The following GPR137B variants were observed in gnomAD, a reference collection of about 807,000 sequenced individuals.
GPR137B encodes the protein G protein-coupled receptor 137B.
A neutral mutation model predicts 42.5 loss-of-function variants in GPR137B; 42 were observed. That is an observed-to-expected ratio of 0.99 (90% CI 0.77 to 1.28). GPR137B has a LOEUF of 1.28. GPR137B is among the 50% of genes most tolerant of loss of function. The pLI is 0.00. For missense variants in GPR137B, 487 were observed against 493.9 expected (o/e 0.99, Z 0.13); for synonymous variants, 218 against 209.7 (o/e 1.04, Z -0.34).
At chr1:236,162,492 A>G (rs1303644589) in intron 1 of GPR137B, among the ~76,000 whole-genome samples, 1 of 152,194 alleles carries the variant, frequency 6.6e-6, no homozygotes, top group Non-Finnish European at 1.5e-5. Context: ...CCATGGGGAA[A>G]ATGTCCCCAG....
intron 1 of GPR137B, among the ~76,000 whole-genome samples, chr1:236,146,222 C>T (rs748871786): frequency 1.3e-4 from 20 of 152,150 alleles, no homozygotes; most frequent in South Asian, 2.1e-4. Flanking sequence ...TCTCCTGGAG[C>T]GCAAAATCAG....
intron 1 of GPR137B, among the ~76,000 whole-genome samples, chr1:236,144,992 G>A (rs539194854): frequency 6.6e-6 from 1 of 152,358 alleles, no homozygotes; most frequent in Non-Finnish European, 1.5e-5. Flanking sequence ...CAGGCAGACA[G>A]AGCCACTCCG....
intron 1 of GPR137B, among the ~76,000 whole-genome samples, chr1:236,143,364 C>T (rs566119567): frequency 2.3e-4 from 35 of 152,386 alleles, no homozygotes; most frequent in Admixed American, 2.0e-3. Context: ...CTGCACACGC[C>T]AGTTAGTACG....
intron 6 of GPR137B, among the ~76,000 whole-genome samples, chr1:236,206,049 TTGAA>T (rs1663651265): frequency 6.6e-6 from 1 of 152,228 alleles, no homozygotes; most frequent in African/African-American, 2.4e-5. Context: ...GTTTTCAAAT[TTGAA>T]TGATGTCAGT....
At chr1:236,181,633 G>A (rs1662879519) in intron 4 of GPR137B, among the ~76,000 whole-genome samples, 1 of 152,144 alleles carries the variant, frequency 6.6e-6, no homozygotes, top group Non-Finnish European at 1.5e-5. Context: ...AGAATAAAAT[G>A]ATCATGATAA....
chr1:236,199,579 T>C (rs755274519), intron 5 of GPR137B, among the ~76,000 whole-genome samples: 7 of 150,972 alleles, frequency 4.6e-5, no homozygotes, highest in Middle Eastern at 3.4e-3. Context: ...CTAGTTGTTA[T>C]GTTCAGTTTC....
In GPR137B at chr1:236,208,738, AT is replaced by A. The variant is rs559622081; in HGVS notation, c.*590del. 1,415 of 863,836 alleles carry A rather than the reference AT, an allele frequency of 1.6e-3. No individual in the cohort carries two copies. Among genetic ancestry groups the A allele is most frequent in the Middle Eastern group, 4.2e-3 (7 of 1,686 alleles). The allele number at this position is 863,836 out of a possible 1,614,324, so 53.5% of individuals were successfully genotyped here. Reference sequence around the variant, plus strand: ...GCAGCAGACTGTAAGGTCTTTAGAGATTTTTTTTTTAAGGTTCAGGCCGTAG... The same window carrying A: ...GCAGCAGACTGTAAGGTCTTTAGAGATTTTTTTTTAAGGTTCAGGCCGTAG... On this transcript the variant is annotated 3_prime_UTR_variant, in exon 7 of 7. Transcript: ENST00000366592.
intron 1 of GPR137B, among the ~76,000 whole-genome samples, chr1:236,146,911 CA>C (rs1661697356): frequency 6.6e-6 from 1 of 152,158 alleles, no homozygotes; most frequent in African/African-American, 2.4e-5. Flanking sequence ...CAGATTCAAG[CA>C]GTTCTCCTGC....
At position 236,208,655 on chromosome 1, in the gene GPR137B, C is replaced by T. The variant is rs910820839; in HGVS notation, c.*497C>T. 1.0e-6 allele frequency: 1 copy of T among 985,528 alleles called. No homozygotes were observed. Among genetic ancestry groups the T allele is most frequent in the African/African-American group, 1.7e-5 (1 of 57,206 alleles). The allele number at this position is 985,528 out of a possible 1,614,324, so 61.0% of individuals were successfully genotyped here. On this transcript the variant is annotated 3_prime_UTR_variant, in exon 7 of 7. Transcript: ENST00000366592. ...GCCACATTGGTAGACTCCTAAAATACAGTTGACAACTTAGCCAATTGCAAC... is the reference window on the plus strand; with the variant it reads ...GCCACATTGGTAGACTCCTAAAATATAGTTGACAACTTAGCCAATTGCAAC...
chr1:236,188,209 A>C (rs1004245587), intron 5 of GPR137B, among the ~76,000 whole-genome samples: 11 of 152,312 alleles, frequency 7.2e-5, no homozygotes, highest in African/African-American at 2.6e-4. Flanking sequence ...TTATCAGCTT[A>C]AGGAGATTTT....
intron 5 of GPR137B, among the ~76,000 whole-genome samples, chr1:236,188,339 C>A (rs1341829975): frequency 6.6e-6 from 1 of 152,112 alleles, no homozygotes; most frequent in African/African-American, 2.4e-5. Flanking sequence ...ATTGCCCTGG[C>A]CAGAACTTCC....
intron 6 of GPR137B, among the ~76,000 whole-genome samples, chr1:236,207,775 G>T (rs77013009): frequency 6.6e-6 from 1 of 152,220 alleles, no homozygotes; most frequent in East Asian, 1.9e-4. Flanking sequence ...GATGCAGTTT[G>T]TTGCTGAAAA....
chr1:236,149,508 G>A (rs1222423582), intron 1 of GPR137B, among the ~76,000 whole-genome samples: 2 of 152,194 alleles, frequency 1.3e-5, no homozygotes, highest in African/African-American at 4.8e-5. Flanking sequence ...CCAGGAACTA[G>A]TCCTCCGTGC....
chr1:236,168,872 C>A, intron 2 of GPR137B, 117 bp downstream of exon 2: 1 of 792,730 alleles, frequency 1.3e-6, no homozygotes, highest in Non-Finnish European at 2.2e-6. Flanking sequence ...GGAAACAGTC[C>A]TGCCTGCTGG....
At chr1:236,174,101 A>T (rs752191229) in intron 2 of GPR137B, among the ~76,000 whole-genome samples, 1 of 152,158 alleles carries the variant, frequency 6.6e-6, no homozygotes, top group Non-Finnish European at 1.5e-5. Flanking sequence ...TCCCAAGACA[A>T]AGTTGATGTC....
At chr1:236,203,992 C>T (rs1182908356) in intron 5 of GPR137B, among the ~76,000 whole-genome samples, 1 of 152,172 alleles carries the variant, frequency 6.6e-6, no homozygotes, top group African/African-American at 2.4e-5. Context: ...GTGTGTTCCA[C>T]ATCTTAGAGG....
intron 1 of GPR137B, among the ~76,000 whole-genome samples, chr1:236,144,643 G>C (rs1021262946): frequency 1.2e-4 from 19 of 152,246 alleles, no homozygotes; most frequent in African/African-American, 4.3e-4. Flanking sequence ...GCCTGTCCAA[G>C]TACAACCTTT....
chr1:236,151,807 A>G (rs570282695), intron 1 of GPR137B, among the ~76,000 whole-genome samples: 19 of 152,106 alleles, frequency 1.2e-4, no homozygotes, highest in Non-Finnish European at 2.2e-4. Context: ...ACCCCCATAC[A>G]CGGTGGGGTT....
chr1:236,185,169 T>A (rs10924585), intron 5 of GPR137B, among the ~76,000 whole-genome samples: 5,427 of 152,270 alleles, frequency 0.036, 295 homozygotes, highest in African/African-American at 0.12. Flanking sequence ...AATAGTCCTA[T>A]CTATAACTTC....
Sources: gnomAD v4.1 joint callset for allele counts (sites outside exome capture counted in the v4.1 genomes callset) on GRCh38, gnomAD v4.1.1 for gene constraint, MANE v1.5 for transcripts, NCBI Gene and HGNC (gene_info 2026-07-23, HGNC 2026-07-21) for gene names.